Variants in NPFFR2 observed in about 807,000 individuals in gnomAD.
The protein encoded by NPFFR2 is neuropeptide FF receptor 2, also known as G-protein coupled receptor 74.
Under a neutral mutation model 13.1 loss-of-function variants are expected in NPFFR2, and 15 were observed. The ratio of observed to expected loss-of-function variants is 1.15; its 90% CI spans 0.77 to 1.76. The LOEUF (loss-of-function observed/expected upper bound fraction) is 1.76. NPFFR2 is among the 40% of genes most tolerant of loss of function. The probability of loss-of-function intolerance (pLI) is 0.00; values close to 1 mark genes in which losing one functional copy is unlikely to be tolerated. For synonymous variants in NPFFR2, 190 were observed against 175.7 expected (o/e 1.08, Z -0.65); for missense variants, 572 against 503.5 (o/e 1.14, Z -1.30).
intron 1 of NPFFR2, among the ~76,000 whole-genome samples, chr4:72,048,916 A>G (rs1719463523): frequency 6.6e-6 from 1 of 152,066 alleles, no homozygotes; most frequent in South Asian, 2.1e-4. Flanking sequence ...TTATTCTGCC[A>G]GTTAATGTAG....
rs1341571145 is a variant in NPFFR2 at position 72,127,355 on chromosome 4, C to CTTTTTTTTTTTTTTTTTTT, written c.-7-1226_-7-1225insTTTTTTTTTTTTTTTTTTT. On this transcript the variant is annotated intron_variant, in intron 1 of 3. Transcript: ENST00000308744. The stretch of plus-strand genomic sequence containing the variant: ...AAGTCATACAGATTCTAAATAATTT[C>CTTTTTTTTTTTTTTTTTTT]TTTTCTTTTTTTTTTTTTTTTTTTT... Among the ~76,000 whole-genome samples, 30 of 91,206 alleles carry CTTTTTTTTTTTTTTTTTTT rather than the reference C, an allele frequency of 3.3e-4. 9 individuals are homozygous for CTTTTTTTTTTTTTTTTTTT. The highest frequency in any genetic ancestry group is 1.4e-3 in the African/African-American group (30 of 21,718). The allele number at this position is 91,206 out of a possible 152,430, so 59.8% of individuals were successfully genotyped here. A position where few individuals can be genotyped will look rare whatever the true frequency, so the allele number is the denominator to read the frequency against.
intron 1 of NPFFR2, among the ~76,000 whole-genome samples, chr4:72,095,562 A>G (rs1721041858): frequency 1.3e-5 from 2 of 152,214 alleles, no homozygotes; most frequent in African/African-American, 2.4e-5. Flanking sequence ...ATTTAATTAA[A>G]TGTATTCAAT....
intron 1 of NPFFR2, among the ~76,000 whole-genome samples, chr4:72,070,450 A>G (rs1009196526): frequency 1.3e-5 from 2 of 151,970 alleles, no homozygotes; most frequent in Non-Finnish European, 2.9e-5. Flanking sequence ...TTTTTTAAGA[A>G]AATTATCCTT....
Position 72,135,434 on chromosome 4 carries a change from A to AT in NPFFR2, c.329-2600dup, listed in dbSNP as rs1722379493. Among the ~76,000 whole-genome samples the AT allele has an allele frequency of 3.3e-5, 5 of 151,428 alleles. No homozygotes were observed. The South Asian group carries it at 1.0e-3, about 32-fold the overall frequency. On this transcript the variant is annotated intron_variant, in intron 2 of 3. Transcript: ENST00000308744. ...TAATTTTTTTCATCTTTTTACTTTA[A>AT]TTTTTTGCCCCTCATTCTTCTATTT... is the stretch of plus-strand genomic sequence containing the variant.
At chr4:72,036,804 C>G (rs1719051056) in intron 1 of NPFFR2, among the ~76,000 whole-genome samples, 1 of 151,554 alleles carries the variant, frequency 6.6e-6, no homozygotes, top group South Asian at 2.1e-4. Context: ...TTTAGCCTCA[C>G]CAGAATGTGA....
chr4:72,075,976 T>TACAC (rs1025719017), intron 1 of NPFFR2, among the ~76,000 whole-genome samples: 33 of 83,162 alleles, frequency 4.0e-4, no homozygotes, highest in South Asian at 2.8e-3. Flanking sequence ...CACACACACA[T>TACAC]ACACACACAC....
chr4:72,106,444 G>A (rs1721421722), intron 1 of NPFFR2, among the ~76,000 whole-genome samples: 1 of 152,068 alleles, frequency 6.6e-6, no homozygotes, highest in Admixed American at 6.6e-5. Context: ...AGAGCCAGCA[G>A]CAGCCAGAGA....
At chr4:72,069,386 TCAG>T (rs1381593829) in intron 1 of NPFFR2, among the ~76,000 whole-genome samples, 3 of 152,128 alleles carry the variant, frequency 2.0e-5, no homozygotes, top group Admixed American at 1.3e-4. Context: ...TTCAAATAAT[TCAG>T]CAGTCTTTCC....
At chr4:72,069,879 T>G (rs936231706) in intron 1 of NPFFR2, among the ~76,000 whole-genome samples, 3 of 152,108 alleles carry the variant, frequency 2.0e-5, no homozygotes, top group Admixed American at 1.3e-4. Context: ...TATAAAAAAA[T>G]TGATCATACA....
chr4:72,074,254 T>C (rs1442788566), intron 1 of NPFFR2, among the ~76,000 whole-genome samples: 2 of 152,050 alleles, frequency 1.3e-5, no homozygotes, highest in Non-Finnish European at 2.9e-5. Context: ...TTAAAACTTA[T>C]GAATTGTTTA....
At chr4:72,108,073 A>G (rs888009472) in intron 1 of NPFFR2, among the ~76,000 whole-genome samples, 1 of 151,940 alleles carries the variant, frequency 6.6e-6, no homozygotes, top group Non-Finnish European at 1.5e-5. Flanking sequence ...CCTCCTTCCT[A>G]CATTAGATGC....
intron 1 of NPFFR2, among the ~76,000 whole-genome samples, chr4:72,046,030 T>C (rs2109760008): frequency 6.6e-6 from 1 of 152,262 alleles, no homozygotes; most frequent in South Asian, 2.1e-4. Flanking sequence ...AATGAAAAAT[T>C]AAACCATTAA....
intron 2 of NPFFR2, among the ~76,000 whole-genome samples, chr4:72,134,022 T>C (rs1338788711): frequency 6.6e-6 from 1 of 152,180 alleles, no homozygotes; most frequent in Non-Finnish European, 1.5e-5. Context: ...CCCAGCATTT[T>C]GGGAGGCCAA....
At chr4:72,126,199 C>G (rs2109832004) in intron 1 of NPFFR2, among the ~76,000 whole-genome samples, 1 of 152,280 alleles carries the variant, frequency 6.6e-6, no homozygotes, top group East Asian at 1.9e-4. Context: ...ACGGTAGAAT[C>G]TGCCCAGTTT....
chr4:72,103,784 C>T (rs1578457477), intron 1 of NPFFR2, among the ~76,000 whole-genome samples: 1 of 152,016 alleles, frequency 6.6e-6, no homozygotes, highest in Non-Finnish European at 1.5e-5. Flanking sequence ...TTATCAGAAA[C>T]AAAAAATGCC....
At chr4:72,118,079 G>A (rs1721763995) in intron 1 of NPFFR2, among the ~76,000 whole-genome samples, 5 of 152,130 alleles carry the variant, frequency 3.3e-5, no homozygotes, top group Admixed American at 6.6e-5. Context: ...AATATCAAAT[G>A]TTCACAGAGT....
intron 3 of NPFFR2, among the ~76,000 whole-genome samples, chr4:72,144,223 A>C (rs1197584878): frequency 6.6e-6 from 1 of 152,076 alleles, no homozygotes; most frequent in East Asian, 1.9e-4. Context: ...CTTTGTCTCT[A>C]TTGGTCTCTC....
chr4:72,042,342 C>T (rs1719244473), intron 1 of NPFFR2, among the ~76,000 whole-genome samples: 1 of 152,172 alleles, frequency 6.6e-6, no homozygotes, highest in African/African-American at 2.4e-5. Flanking sequence ...ATTACCCAGT[C>T]TTGGCTATAT....
chr4:72,050,960 G>A (rs551563227), intron 1 of NPFFR2, among the ~76,000 whole-genome samples: 1 of 151,864 alleles, frequency 6.6e-6, no homozygotes, highest in Admixed American at 6.6e-5. Context: ...TTTTATGGCT[G>A]CATAGTATTC....
Sources: allele counts gnomAD v4.1 joint callset (sites outside exome capture counted in the v4.1 genomes callset), GRCh38; gene constraint gnomAD v4.1.1; transcripts MANE v1.5; gene names NCBI Gene and HGNC (gene_info 2026-07-23, HGNC 2026-07-21).